DPP9: variants seen among roughly 807,000 people sequenced by gnomAD.
DPP9 encodes the protein dipeptidyl peptidase 9, also known as dipeptidyl peptidase IV-related protein-2.
DPP9 carries 50 observed loss-of-function variants against 110.7 expected under a neutral mutation model. That is an observed-to-expected ratio of 0.45 (90% CI 0.36 to 0.57). The LOEUF is 0.57. Ranked by LOEUF, DPP9 falls within the 20% of genes least tolerant of loss-of-function variation. The pLI is 0.00. For synonymous variants in DPP9, 561 were observed against 514.4 expected, an observed-to-expected ratio of 1.09 and a Z score of -1.23; for missense variants, 1,022 against 1,217.9, an observed-to-expected ratio of 0.84 and a Z score of 2.39.
rs2093366917 is a variant in DPP9 at position 4,722,548 on chromosome 19, A to G, written c.-85T>C. 1.4e-6 allele frequency: 1 copy of G among 702,996 alleles called. No homozygotes were observed. Among genetic ancestry groups the G allele is most frequent in the African/African-American group, 1.7e-5 (1 of 57,276 alleles). The allele number at this position is 702,996 out of a possible 1,614,324, so 43.5% of individuals were successfully genotyped here. On this transcript the variant is annotated 5_prime_UTR_variant, in exon 2 of 22. Coordinates refer to ENST00000262960, the MANE Select transcript of DPP9 (RefSeq NM_139159.5). The stretch of plus-strand genomic sequence containing the variant: ...CATTCCAGCTGCAGGCGTGGGACAC[A>G]GACCTTTATAGGATAAACATGTCAT...
chr19:4,697,015 C>T (rs2091860667), intron 11 of DPP9, among the ~76,000 whole-genome samples: 1 of 151,926 alleles, frequency 6.6e-6, no homozygotes, highest in African/African-American at 2.4e-5. Context: ...GGGAGGATTG[C>T]TTGAGCCTGG....
At position 4,685,542 on chromosome 19, in the gene DPP9, G is replaced by A. The variant is rs905206934; in HGVS notation, c.2031+84C>T. ...GCCGGGGAGCCTCCTCTGGTTGACT[G>A]TTCTACAGCTGGCACTTGAGTGGGG... On this transcript the variant is annotated intron_variant, in intron 17 of 21. Coordinates refer to ENST00000262960, the MANE Select transcript of DPP9 (RefSeq NM_139159.5). This position sits in a 1 kb window ranked among gnomAD's most constrained non-coding sequence, Gnocchi z 5.8. The A allele has an allele frequency of 7.7e-6, 11 of 1,419,936 alleles. No homozygotes were observed. Among genetic ancestry groups the A allele is most frequent in the Non-Finnish European group, 1.1e-5 (11 of 1,038,712 alleles). 88.0% of individuals were successfully genotyped at this position (1,419,936 alleles called of 1,614,324 possible).
Position 4,694,467 on chromosome 19 carries a change from T to A in DPP9, c.1516+194A>T. On this transcript the variant is annotated intron_variant, in intron 13 of 21. Coordinates refer to ENST00000262960, the MANE Select transcript of DPP9 (RefSeq NM_139159.5). This position sits in a 1 kb window ranked among gnomAD's most constrained non-coding sequence, Gnocchi z 4.0. ...GTGCTCAGTAAATCTGCTGCCTGAATAAGCCAACAGTTGGGTGCTCTAAGC... is the reference window on the plus strand; with the variant it reads ...GTGCTCAGTAAATCTGCTGCCTGAAAAAGCCAACAGTTGGGTGCTCTAAGC... 1.4e-6 allele frequency: 1 copy of A among 700,736 alleles called. No individual in the cohort carries two copies. The highest frequency in any genetic ancestry group is 2.3e-6 in the Non-Finnish European group (1 of 431,342). 43.4% of individuals were successfully genotyped at this position (700,736 alleles called of 1,614,324 possible).
At chr19:4,697,880 G>A (rs973923128) in intron 10 of DPP9, among the ~76,000 whole-genome samples, 4 of 152,294 alleles carry the variant, frequency 2.6e-5, no homozygotes, top group South Asian at 4.1e-4. Context: ...CATGACTGCT[G>A]TCCTTACAGG....
intron 10 of DPP9, among the ~76,000 whole-genome samples, chr19:4,699,834 C>T (rs2092108505): frequency 6.6e-6 from 1 of 152,238 alleles, no homozygotes; most frequent in African/African-American, 2.4e-5. Flanking sequence ...AGCCATCTGC[C>T]CCACGGAGTT....
At chr19:4,699,158 C>CAAAAAA (rs144927941) in intron 10 of DPP9, among the ~76,000 whole-genome samples, 7 of 50,892 alleles carry the variant, frequency 1.4e-4, no homozygotes, top group Admixed American at 2.3e-4. Flanking sequence ...GACTCCACCT[C>CAAAAAA]AAAAAAAAAA....
intron 13 of DPP9, among the ~76,000 whole-genome samples, chr19:4,692,247 G>A (rs1458834653): frequency 6.6e-6 from 1 of 152,092 alleles, no homozygotes; most frequent in African/African-American, 2.4e-5. Context: ...ATGACAGTGC[G>A]GGGTGCATCA....
intron 3 of DPP9, chr19:4,716,080 C>A (rs973004445): frequency 4.6e-5 from 7 of 152,266 alleles, no homozygotes; most frequent in African/African-American, 1.4e-4. Context: ...CCTCCGGGAC[C>A]AACAGCTTGG....
In DPP9 at chr19:4,684,981, G is replaced by A; in HGVS notation, c.2032-172C>T. On this transcript the variant is annotated intron_variant, in intron 17 of 21. Coordinates refer to ENST00000262960, the MANE Select transcript of DPP9 (RefSeq NM_139159.5). This position sits in a 1 kb window ranked among gnomAD's most constrained non-coding sequence, Gnocchi z 4.8. ...CACCTGGGAGTGGCAAGGCGGGAGGGGCCCATACTCGGGACCCTGCTAGGG... is the reference window on the plus strand; with the variant it reads ...CACCTGGGAGTGGCAAGGCGGGAGGAGCCCATACTCGGGACCCTGCTAGGG... The A allele has an allele frequency of 1.2e-6, 1 of 829,628 alleles. No homozygotes were observed. Among genetic ancestry groups the A allele is most frequent in the South Asian group, 1.4e-5 (1 of 69,252 alleles). 51.4% of individuals were successfully genotyped at this position (829,628 alleles called of 1,614,324 possible). A position where few individuals can be genotyped will look rare whatever the true frequency, so the allele number is the denominator to read the frequency against.
At chr19:4,722,466 C>T (rs1477164294) in intron 2 of DPP9, 33 bp downstream of exon 2, 1 of 702,672 alleles carries the variant, frequency 1.4e-6, no homozygotes, top group Non-Finnish European at 2.6e-6. Context: ...CACACCCCAG[C>T]CTTCCTGGCT....
chr19:4,717,773 C>G (rs551964312), intron 3 of DPP9: 2 of 152,364 alleles, frequency 1.3e-5, no homozygotes, highest in East Asian at 3.9e-4. Flanking sequence ...GAGCCTGGCC[C>G]TCCGCTGACC....
At position 4,682,672 on chromosome 19, in the gene DPP9, C is replaced by T. The variant is rs201123241; in HGVS notation, c.2474+24G>A. 24 of 1,606,106 alleles carry T rather than the reference C, an allele frequency of 1.5e-5. No individual in the cohort carries two copies. In the South Asian group the frequency reaches 1.8e-4, roughly 12 times the overall value. On this transcript the variant is annotated intron_variant, in intron 20 of 21. Transcript: ENST00000262960. The surrounding 1 kb of genome is among the most constrained non-coding windows in gnomAD (Gnocchi z 7.1). Reference sequence around the variant, plus strand: ...GTGCAGGAGAAGCCCCGGGGAGGAGCGCAGGGCAGGGCAGTGGCCTTACTC... The same window carrying T: ...GTGCAGGAGAAGCCCCGGGGAGGAGTGCAGGGCAGGGCAGTGGCCTTACTC...
chr19:4,700,361 G>T lies in DPP9; in HGVS notation c.1013-84C>A. 1 of 1,161,200 alleles carries T rather than the reference G, an allele frequency of 8.6e-7. No individual in the cohort carries two copies. The highest frequency in any genetic ancestry group is 1.2e-6 in the Non-Finnish European group (1 of 825,220). 71.9% of individuals were successfully genotyped at this position (1,161,200 alleles called of 1,614,324 possible). A position where few individuals can be genotyped will look rare whatever the true frequency, so the allele number is the denominator to read the frequency against. The stretch of plus-strand genomic sequence containing the variant: ...CGGCACGGGGGGCCTGGGCTGTGGG[G>T]TGACGTCCACAGAGAGGTGTACAAT... On this transcript the variant is annotated intron_variant, in intron 9 of 21. Coordinates refer to ENST00000262960, the MANE Select transcript of DPP9 (RefSeq NM_139159.5). This position sits in a 1 kb window ranked among gnomAD's most constrained non-coding sequence, Gnocchi z 4.3.
rs764438034 is a variant in DPP9 at position 4,689,735 on chromosome 19, A to G, written c.1597-13T>C. ...CATTGACCCAGATCTGCAGGGGGAC[A>G]GGGGATCCTCGTGATGCGTCCCAGA... On this transcript the variant is annotated splice_polypyrimidine_tract_variant and intron_variant, in intron 14 of 21. Transcript: ENST00000262960. The surrounding 1 kb of genome is among the most constrained non-coding windows in gnomAD (Gnocchi z 7.0). The G allele has an allele frequency of 1.3e-6, 2 of 1,542,212 alleles. No homozygotes were observed. The highest frequency in any genetic ancestry group is 1.4e-5 in the African/African-American group (1 of 72,944).
In DPP9 at chr19:4,723,489, G is replaced by C. The variant is rs537185226; in HGVS notation, c.-89+185C>G. On this transcript the variant is annotated intron_variant, in intron 1 of 21. Coordinates refer to ENST00000262960, the MANE Select transcript of DPP9 (RefSeq NM_139159.5). ...AATCGGGGAGGGAAAGAAGGTGGAG[G>C]AGGGCCTGGGGCGGAGAGGAAACGA... Among the ~76,000 whole-genome samples, 15 of 152,320 alleles carry C rather than the reference G, an allele frequency of 9.8e-5. 1 individual carries two copies. The highest frequency in any genetic ancestry group is 3.6e-4 in the African/African-American group (15 of 41,568).
intron 21 of DPP9, among the ~76,000 whole-genome samples, chr19:4,677,299 C>G (rs1378390581): frequency 6.6e-6 from 1 of 152,156 alleles, no homozygotes; most frequent in Non-Finnish European, 1.5e-5. Flanking sequence ...CACTGACGGA[C>G]AACCCCTATA....
At chr19:4,703,038 G>A (rs995694112) in intron 7 of DPP9, among the ~76,000 whole-genome samples, 2 of 151,740 alleles carry the variant, frequency 1.3e-5, no homozygotes, top group Admixed American at 1.3e-4. Flanking sequence ...GCCCAAGTGT[G>A]CCGTCTAAAA....
intron 4 of DPP9, among the ~76,000 whole-genome samples, chr19:4,709,329 G>A (rs867595720): frequency 3.1e-4 from 47 of 152,204 alleles, no homozygotes; most frequent in African/African-American, 1.1e-3. Flanking sequence ...CAGTAGTGAC[G>A]GAAGGATGTA....
chr19:4,686,507 A>G (rs1365337410), intron 16 of DPP9, among the ~76,000 whole-genome samples: 1 of 151,592 alleles, frequency 6.6e-6, no homozygotes, highest in Non-Finnish European at 1.5e-5. Context: ...TTTAGTAGAG[A>G]TGGGGTTTCA....
Sources: allele counts gnomAD v4.1 joint callset (sites outside exome capture counted in the v4.1 genomes callset), GRCh38; gene constraint gnomAD v4.1.1; non-coding constraint Gnocchi (gnomAD v3.1); transcripts MANE v1.5; gene names NCBI Gene and HGNC (gene_info 2026-07-23, HGNC 2026-07-21).